The following FAM78B variants were observed in gnomAD, a reference collection of about 807,000 sequenced individuals.
FAM78B encodes protein FAM78B.
In FAM78B, 10 loss-of-function variants were observed where a neutral mutation model predicts 20.0. The observed-to-expected ratio is 0.50, with a 90% CI of 0.31 to 0.85. The LOEUF (loss-of-function observed/expected upper bound fraction) is 0.85, where lower values mean the gene tolerates loss of function less well. FAM78B is among the 40% of genes least tolerant of loss of function. FAM78B has a pLI of 0.05. For missense variants in FAM78B, 283 were observed against 345.0 expected (o/e 0.82, Z 1.42); for synonymous variants, 135 against 132.8 (o/e 1.02, Z -0.12).
chr1:166,145,894 A>T (rs1655434692), intron 1 of FAM78B, among the ~76,000 whole-genome samples: 1 of 152,228 alleles, frequency 6.6e-6, no homozygotes, highest in Non-Finnish European at 1.5e-5. Flanking sequence ...GGCTTTGGAC[A>T]ATAAATATAT....
Position 166,109,850 on chromosome 1 carries a change from A to ATGTG in FAM78B, c.264-39088_264-39087insCACA, listed in dbSNP as rs1309748110. ...TATATATGTATATATGTATATATAT[A>ATGTG]TATATATATATGTATGTGTATATAT... is the stretch of plus-strand genomic sequence containing the variant. On this transcript the variant is annotated intron_variant, in intron 1 of 1. Coordinates refer to ENST00000354422, the MANE Select transcript of FAM78B (RefSeq NM_001017961.5). Among the ~76,000 whole-genome samples, 120 of 19,026 alleles carry ATGTG rather than the reference A, an allele frequency of 6.3e-3. 4 individuals carry two copies. The highest frequency in any genetic ancestry group is 0.015 in the African/African-American group (107 of 7,226). The allele number at this position is 19,026 out of a possible 152,430, so 12.5% of individuals were successfully genotyped here.
At chr1:166,135,961 A>C (rs1450743053) in intron 1 of FAM78B, among the ~76,000 whole-genome samples, 3 of 152,186 alleles carry the variant, frequency 2.0e-5, no homozygotes, top group Non-Finnish European at 2.9e-5. Flanking sequence ...TTAACAAGAG[A>C]TCTAGTCTCC....
chr1:166,092,700 T>C (rs1350437019), intron 1 of FAM78B, among the ~76,000 whole-genome samples: 1 of 152,182 alleles, frequency 6.6e-6, no homozygotes, highest in Non-Finnish European at 1.5e-5. Flanking sequence ...ATGAATTTTG[T>C]GTATACAGCA....
intron 1 of FAM78B, among the ~76,000 whole-genome samples, chr1:166,100,512 AT>A (rs1303559894): frequency 6.6e-6 from 1 of 152,192 alleles, no homozygotes; most frequent in Non-Finnish European, 1.5e-5. Context: ...TGCTTTTCCG[AT>A]GGTCTTAGCA....
downstream of FAM78B, among the ~76,000 whole-genome samples, chr1:166,069,144 TAGAA>T (rs749050524): frequency 2.0e-5 from 3 of 152,142 alleles, no homozygotes; most frequent in African/African-American, 4.8e-5. Flanking sequence ...CGTATGTACA[TAGAA>T]AGGCTACAGG....
chr1:166,113,694 T>C (rs1654147605), intron 1 of FAM78B, among the ~76,000 whole-genome samples: 1 of 152,254 alleles, frequency 6.6e-6, no homozygotes, highest in African/African-American at 2.4e-5. Context: ...CCCAGCTGGC[T>C]TTCCCTGAAC....
rs141298528 is a variant in FAM78B at position 166,119,528 on chromosome 1, G to C, written c.263+46458C>G. ...TTCCCAGAGCGACAAGAATCAATCA[G>C]CCCATTAGCATGCTCTACATTTGTC... On this transcript the variant is annotated intron_variant, in intron 1 of 1. Transcript: ENST00000354422. Among the ~76,000 whole-genome samples, 21 of 152,286 alleles carry C rather than the reference G, an allele frequency of 1.4e-4. 1 individual carries two copies. Among genetic ancestry groups the C allele is most frequent in the African/African-American group, 4.3e-4 (18 of 41,570 alleles).
intron 1 of FAM78B, chr1:166,086,941 A>C (rs1258486108): frequency 6.6e-6 from 1 of 151,862 alleles, no homozygotes; most frequent in Non-Finnish European, 1.5e-5. Context: ...GGCTACATGC[A>C]GTGTGGCCAC....
chr1:166,103,424 T>C (rs377281734), intron 1 of FAM78B, among the ~76,000 whole-genome samples: 1 of 152,128 alleles, frequency 6.6e-6, no homozygotes, highest in Admixed American at 6.5e-5. Flanking sequence ...AGCTGGTTTT[T>C]TGAAAAGATC....
Position 166,152,918 on chromosome 1 carries a change from T to C in FAM78B, c.263+13068A>G, listed in dbSNP as rs1278710560. Among the ~76,000 whole-genome samples, 6 of 152,250 alleles carry C rather than the reference T, an allele frequency of 3.9e-5. No homozygotes were observed. In the East Asian group the frequency reaches 1.2e-3, roughly 29 times the overall value. On this transcript the variant is annotated intron_variant, in intron 1 of 1. Coordinates refer to ENST00000354422, the MANE Select transcript of FAM78B (RefSeq NM_001017961.5). ...GTCTCGATTTCTTGACCTCATGATCTGCCTGCCTTGGCCTCCCAAAGTGCT... is the reference window on the plus strand; with the variant it reads ...GTCTCGATTTCTTGACCTCATGATCCGCCTGCCTTGGCCTCCCAAAGTGCT...
At chr1:166,165,869 G>A (rs1384920495) in intron 1 of FAM78B, 117 bp downstream of exon 1, 12 of 1,219,022 alleles carry the variant, frequency 9.8e-6, no homozygotes, top group African/African-American at 9.0e-5. Context: ...GAGGCGGGAG[G>A]AAGGTTTAGA....
At chr1:166,074,405 A>G (rs370272061) in intron 1 of FAM78B, among the ~76,000 whole-genome samples, 44 of 152,168 alleles carry the variant, frequency 2.9e-4, no homozygotes, top group African/African-American at 1.0e-3. Context: ...ATCTACAACT[A>G]CAGGTGTCAG....
intron 1 of FAM78B, among the ~76,000 whole-genome samples, chr1:166,121,471 G>C (rs1654463519): frequency 1.3e-5 from 2 of 152,178 alleles, no homozygotes; most frequent in African/African-American, 4.8e-5. Flanking sequence ...TGCCACTGAA[G>C]AATGGTCTAG....
At chr1:166,062,974 C>T (rs762173186) in intron 2 of FAM78B, among the ~76,000 whole-genome samples, 14 of 152,206 alleles carry the variant, frequency 9.2e-5, no homozygotes, top group Non-Finnish European at 1.9e-4. Flanking sequence ...TTTTTCCTAG[C>T]GCCTTTCCTT....
In FAM78B at chr1:166,134,896, C is replaced by A. The variant is rs190450035; in HGVS notation, c.263+31090G>T. On this transcript the variant is annotated intron_variant, in intron 1 of 1. Transcript: ENST00000354422. ...AGTAATGATTTTCACACATTTACTA[C>A]CTACAGCGTAAAGTACTGCTTCCTT... Among the ~76,000 whole-genome samples the A allele has an allele frequency of 2.1e-3, 314 of 152,296 alleles. 1 individual carries two copies. The highest frequency in any genetic ancestry group is 1.8e-3 in the Non-Finnish European group (122 of 68,032).
At chr1:166,127,437 C>T (rs1654684440) in intron 1 of FAM78B, among the ~76,000 whole-genome samples, 1 of 152,196 alleles carries the variant, frequency 6.6e-6, no homozygotes, top group Non-Finnish European at 1.5e-5. Flanking sequence ...GTCTCTATTA[C>T]ATGGAGAGTC....
At chr1:166,152,533 C>G (rs1013356604) in intron 1 of FAM78B, among the ~76,000 whole-genome samples, 2 of 152,154 alleles carry the variant, frequency 1.3e-5, no homozygotes, top group Admixed American at 1.3e-4. Context: ...TACTCCCTCT[C>G]TGCTGCAGAC....
intron 1 of FAM78B, among the ~76,000 whole-genome samples, chr1:166,160,136 G>A (rs928756424): frequency 6.6e-6 from 1 of 152,188 alleles, no homozygotes; most frequent in Non-Finnish European, 1.5e-5. Context: ...TGGACAGATG[G>A]GCTGATCTGG....
intron 1 of FAM78B, among the ~76,000 whole-genome samples, chr1:166,164,145 A>G (rs1449844475): frequency 2.0e-5 from 3 of 152,236 alleles, no homozygotes; most frequent in Admixed American, 2.0e-4. Context: ...CTTATTCATA[A>G]GAGATTTGAG....
Sources: allele counts gnomAD v4.1 joint callset (sites outside exome capture counted in the v4.1 genomes callset), GRCh38; gene constraint gnomAD v4.1.1; transcripts MANE v1.5; gene names NCBI Gene and HGNC (gene_info 2026-07-23, HGNC 2026-07-21).